The following ITGAD variants were observed in gnomAD, a reference collection of about 807,000 sequenced individuals.
The protein encoded by ITGAD is integrin subunit alpha D, also known as integrin alpha-D.
Under a neutral mutation model 139.0 loss-of-function variants are expected in ITGAD, and 105 were observed. The ratio of observed to expected loss-of-function variants is 0.76; its 90% confidence interval spans 0.65 to 0.89. The LOEUF is 0.89. Among genes scored for constraint, ITGAD ranks in the 40% least tolerant of loss-of-function variants. The probability of loss-of-function intolerance (pLI) is 0.00; values close to 1 mark genes in which losing one functional copy is unlikely to be tolerated. For synonymous variants in ITGAD, 569 were observed against 598.3 expected (o/e 0.95, Z 0.71); for missense variants, 1,384 against 1,487.3 (o/e 0.93, Z 1.14).
intron 14 of ITGAD, among the ~76,000 whole-genome samples, 192 bp from the exon 15 acceptor site, chr16:31,412,646 T>C (rs1287293377): frequency 2.6e-5 from 4 of 152,134 alleles, no homozygotes; most frequent in African/African-American, 7.2e-5. Context: ...CAATCTCCAC[T>C]CCTACATCTA....
chr16:31,423,972 G>C lies in ITGAD; in HGVS notation c.3159+14G>C, dbSNP rs766661400. On this transcript the variant is annotated intron_variant, in intron 27 of 29. Coordinates refer to ENST00000389202, the MANE Select transcript of ITGAD (RefSeq NM_005353.3). ...TGGGTCCGCGAGGTGTGTGGGGGCA[G>C]CGGCAGAGCCCCTGCCCCAGACTCA... 6.2e-7 allele frequency: 1 copy of C among 1,613,416 alleles called. No individual in the cohort carries two copies. Among genetic ancestry groups the C allele is most frequent in the Admixed American group, 1.7e-5 (1 of 60,020 alleles).
chr16:31,410,872 G>T lies in ITGAD; in HGVS notation c.1350G>T (p.Gly450=). ...RQWRKKAEVT[G]TQIGSYFGAS... Reference sequence around the variant, plus strand: ...GGAGGAAGAAGGCCGAAGTCACAGGGACGCAGGTTGGGCGTGACAGGAGCC... The same window carrying T: ...GGAGGAAGAAGGCCGAAGTCACAGGTACGCAGGTTGGGCGTGACAGGAGCC... Residue 450 remains glycine, a synonymous_variant, in exon 12 of 30, where the codon GGG becomes GGT. Transcript: ENST00000389202. The T allele has an allele frequency of 3.7e-6, 6 of 1,612,532 alleles. No homozygotes were observed. The highest frequency in any genetic ancestry group is 5.1e-6 in the Non-Finnish European group (6 of 1,179,316).
chr16:31,412,851 C>A lies in ITGAD; in HGVS notation c.1721C>A (p.Ser574Tyr), dbSNP rs1474555026. Residue 574 changes from serine to tyrosine, a missense_variant, in exon 15 of 30, where the codon TCC (serine) becomes TAC (tyrosine). Transcript: ENST00000389202. ...SPSHSQRIAS[S>Y]QLSPRLQYFG... ...TCTTCTGGCCAGCGGATTGCCAGCT[C>A]CCAGCTCTCCCCCAGGCTGCAGTAT... 1 of 1,614,048 alleles carries A rather than the reference C, an allele frequency of 6.2e-7. No individual in the cohort carries two copies. Among genetic ancestry groups the A allele is most frequent in the East Asian group, 2.2e-5 (1 of 44,856 alleles).
At chr16:31,423,272 C>G in intron 24 of ITGAD, 80 bp downstream of exon 24, 2 of 1,579,838 alleles carry the variant, frequency 1.3e-6, no homozygotes, top group Non-Finnish European at 1.7e-6. Context: ...TGGAGAGGAG[C>G]CTTGGGGTAG....
Position 31,424,581 on chromosome 16 carries a change from A to C in ITGAD, c.3372+4A>C, listed in dbSNP as rs2082075232. On this transcript the variant is annotated splice_donor_region_variant and intron_variant, in intron 29 of 29. Coordinates refer to ENST00000389202, the MANE Select transcript of ITGAD (RefSeq NM_005353.3). ...CATCACAGCCACACTGTACAAGGCA[A>C]GTGTTTTATCCAACTCTTTTTTTTT... 10 of 1,556,096 alleles carry C rather than the reference A, an allele frequency of 6.4e-6. No individual in the cohort carries two copies. The East Asian group carries it at 1.6e-4, about 24-fold the overall frequency.
At position 31,403,797 on chromosome 16, in the gene ITGAD, G is replaced by A; in HGVS notation, c.704+152G>A. On this transcript the variant is annotated intron_variant, in intron 7 of 29. Coordinates refer to ENST00000389202, the MANE Select transcript of ITGAD (RefSeq NM_005353.3). The surrounding 1 kb of genome is among the most constrained non-coding windows in gnomAD (Gnocchi z 4.4). ...GGCTGCAGGGAGAACCTCCCCCCGG[G>A]GTGCTCCTGGTTGCCTCGCTGCCAG... 1.1e-6 allele frequency: 1 copy of A among 916,408 alleles called. No homozygotes were observed. The highest frequency in any genetic ancestry group is 1.6e-6 in the Non-Finnish European group (1 of 616,324). The allele number at this position is 916,408 out of a possible 1,614,324, so 56.8% of individuals were successfully genotyped here.
At chr16:31,418,402 C>T (rs368599969) in intron 22 of ITGAD, 22 bp downstream of exon 22, 414 of 1,610,462 alleles carry the variant, frequency 2.6e-4, no homozygotes, top group Non-Finnish European at 3.3e-4. Context: ...CCAGGGTATC[C>T]CCCACCCTCC....
chr16:31,417,108 A>G (rs1404892690), intron 20 of ITGAD, among the ~76,000 whole-genome samples: 1 of 146,742 alleles, frequency 6.8e-6, no homozygotes, highest in African/African-American at 2.5e-5. Flanking sequence ...CAGTGGCACA[A>G]TCACCACTCA....
At chr16:31,401,246 G>A (rs939079549) in intron 5 of ITGAD, among the ~76,000 whole-genome samples, 10 of 152,118 alleles carry the variant, frequency 6.6e-5, no homozygotes, top group Non-Finnish European at 1.5e-4. Context: ...GGGTGACAGT[G>A]AGACTCTGCC....
intron 14 of ITGAD, among the ~76,000 whole-genome samples, chr16:31,411,894 C>T (rs925603616): frequency 6.6e-6 from 1 of 152,206 alleles, no homozygotes; most frequent in Non-Finnish European, 1.5e-5. Context: ...AAGGCAATCA[C>T]CACTGCACTC....
chr16:31,393,627 C>CA (rs2081191019), intron 1 of ITGAD, among the ~76,000 whole-genome samples: 2 of 152,120 alleles, frequency 1.3e-5, no homozygotes, highest in African/African-American at 4.8e-5. Context: ...TATGTTGTCC[C>CA]AGGCTTCCCT....
chr16:31,408,062 C>T, intron 9 of ITGAD, 146 bp downstream of exon 9: 2 of 837,786 alleles, frequency 2.4e-6, no homozygotes, highest in Non-Finnish European at 3.6e-6. Context: ...ACCTCTGCCT[C>T]CTGGGTTCAA....
Position 31,412,981 on chromosome 16 carries a change from C to A in ITGAD, c.1838+13C>A. 6.2e-7 allele frequency: 1 copy of A among 1,602,206 alleles called. No individual in the cohort carries two copies. Among genetic ancestry groups the A allele is most frequent in the Non-Finnish European group, 8.5e-7 (1 of 1,173,814 alleles). On this transcript the variant is annotated intron_variant, in intron 15 of 29. Coordinates refer to ENST00000389202, the MANE Select transcript of ITGAD (RefSeq NM_005353.3). ...TGCTCCTGCTCAGGTAGCGACTCCCCAACATCCTGCCCTCCCGCGCTGTGT... is the reference window on the plus strand; with the variant it reads ...TGCTCCTGCTCAGGTAGCGACTCCCAAACATCCTGCCCTCCCGCGCTGTGT...
At chr16:31,424,062 C>A (rs770603235) in intron 27 of ITGAD, 40 bp from the exon 28 acceptor site, 2 of 1,610,614 alleles carry the variant, frequency 1.2e-6, no homozygotes, top group East Asian at 4.5e-5. Flanking sequence ...TGAGCCTCCC[C>A]CAGAGCCAGT....
intron 10 of ITGAD, among the ~76,000 whole-genome samples, chr16:31,409,748 A>G (rs185863247): frequency 2.6e-5 from 4 of 151,990 alleles, no homozygotes; most frequent in Admixed American, 2.6e-4. Flanking sequence ...TGTCTCTACA[A>G]AAAATAAAAA....
chr16:31,402,265 G>T lies in ITGAD; in HGVS notation c.558+20G>T. 1 of 1,604,524 alleles carries T rather than the reference G, an allele frequency of 6.2e-7. No individual in the cohort carries two copies. The highest frequency in any genetic ancestry group is 8.5e-7 in the Non-Finnish European group (1 of 1,173,730). On this transcript the variant is annotated intron_variant, in intron 6 of 29. Coordinates refer to ENST00000389202, the MANE Select transcript of ITGAD (RefSeq NM_005353.3). Reference sequence around the variant, plus strand: ...ACCCTGGTGAAGACTGGGCACCTGGGGCTGGGGTTTGGGGGACGGGGGAGG... The same window carrying T: ...ACCCTGGTGAAGACTGGGCACCTGGTGCTGGGGTTTGGGGGACGGGGGAGG...
At chr16:31,408,588 A>G (rs2081599476) in intron 10 of ITGAD, 90 bp downstream of exon 10, 1 of 1,137,508 alleles carries the variant, frequency 8.8e-7, no homozygotes, top group Non-Finnish European at 1.3e-6. Context: ...CATAAACAAG[A>G]GCAGACCCCA....
intron 20 of ITGAD, among the ~76,000 whole-genome samples, chr16:31,417,167 C>T (rs2081911284): frequency 6.6e-6 from 1 of 150,884 alleles, no homozygotes; most frequent in South Asian, 2.1e-4. Flanking sequence ...CGTCAGCCTC[C>T]CAAGTAGCTG....
At position 31,414,973 on chromosome 16, in the gene ITGAD, A is replaced by G; in HGVS notation, c.2265A>G (p.Gln755=). The G allele has an allele frequency of 6.2e-7, 1 of 1,614,096 alleles. No individual in the cohort carries two copies. The highest frequency in any genetic ancestry group is 8.5e-7 in the Non-Finnish European group (1 of 1,179,998). The part of the protein sequence containing the change: ...NLRPVLAVGS[Q]DLFTASLPFE... ...GTCCTGTGCTGGCCGTGGGCTCACA[A>G]GACCTCTTCACTGCTTCTGTGAGTC... The change falls in exon 18 of 30, where the codon CAA becomes CAG. Residue 755 remains glutamine, a synonymous_variant. Transcript: ENST00000389202.
Sources: gnomAD v4.1 joint callset for allele counts (sites outside exome capture counted in the v4.1 genomes callset) on GRCh38, gnomAD v4.1.1 for gene constraint, Gnocchi (gnomAD v3.1) non-coding constraint, MANE v1.5 for transcripts, NCBI Gene and HGNC (gene_info 2026-07-23, HGNC 2026-07-21) for gene names.